CMIP: variants seen among roughly 807,000 people sequenced by gnomAD.
CMIP encodes C-Maf-inducing protein.
In CMIP, 13 loss-of-function variants were observed where a neutral mutation model predicts 97.3. That is an observed-to-expected ratio of 0.13 (90% confidence interval 0.09 to 0.21). The LOEUF (loss-of-function observed/expected upper bound fraction) is 0.21. Among genes scored for constraint, CMIP ranks in the 10% least tolerant of loss-of-function variants. CMIP has a pLI of 1.00. For missense variants in CMIP, 847 were observed against 1,024.9 expected, an observed-to-expected ratio of 0.83 and a Z score of 2.37; for synonymous variants, 538 against 436.3, an observed-to-expected ratio of 1.23 and a Z score of -2.91.
intron 3 of CMIP, among the ~76,000 whole-genome samples, chr16:81,634,291 C>T (rs2092205822): frequency 6.6e-6 from 1 of 152,216 alleles, no homozygotes; most frequent in African/African-American, 2.4e-5. Flanking sequence ...TTAGGCTGCA[C>T]AGTGTCCCTG....
At chr16:81,617,188 T>A (rs2091930501) in intron 2 of CMIP, 1 of 152,250 alleles carries the variant, frequency 6.6e-6, no homozygotes, top group Non-Finnish European at 1.5e-5. Context: ...CAAGAGCCAG[T>A]AGGCCCTGCA....
intron 2 of CMIP, among the ~76,000 whole-genome samples, chr16:81,610,060 G>A (rs2091805983): frequency 6.6e-6 from 1 of 152,174 alleles, no homozygotes; most frequent in Admixed American, 6.5e-5. Context: ...GAGGAGAGGA[G>A]GCCCTGAGCC....
At chr16:81,708,746 C>G (rs1389168138) in intron 20 of CMIP, among the ~76,000 whole-genome samples, 1 of 152,330 alleles carries the variant, frequency 6.6e-6, no homozygotes, top group East Asian at 1.9e-4. Flanking sequence ...GTGAAGTCTC[C>G]TAATTTTGAA....
At chr16:81,659,751 G>A (rs1391159692) in intron 5 of CMIP, among the ~76,000 whole-genome samples, 1 of 152,210 alleles carries the variant, frequency 6.6e-6, no homozygotes. Context: ...AGCTAATGTG[G>A]CTGAACTGAA....
At chr16:81,630,864 C>T (rs541484477) in intron 3 of CMIP, 1 of 152,516 alleles carries the variant, frequency 6.6e-6, no homozygotes, top group East Asian at 1.9e-4. Context: ...GCCCAGCCCA[C>T]TCCAAGACTG....
At chr16:81,597,133 C>T (rs1286072292) in intron 1 of CMIP, among the ~76,000 whole-genome samples, 2 of 152,148 alleles carry the variant, frequency 1.3e-5, no homozygotes, top group African/African-American at 2.4e-5. Context: ...TTTGGGAGCA[C>T]AAATATGGGC....
At position 81,614,109 on chromosome 16, in the gene CMIP, C is replaced by T. The variant is rs1010561837; in HGVS notation, c.426+6417C>T. 1.3e-5 allele frequency among the ~76,000 whole-genome samples: 2 copies of T among 152,106 alleles called. No individual in the cohort carries two copies. Among genetic ancestry groups the T allele is most frequent in the Non-Finnish European group, 2.9e-5 (2 of 68,014 alleles). ...GGAAGGCACCATCAAGACAGTCATT[C>T]TGGAGAAGTGGCATTTCAGGAGGGA... On this transcript the variant is annotated intron_variant, in intron 2 of 20. Transcript: ENST00000537098. The surrounding 1 kb of genome is among the most constrained non-coding windows in gnomAD (Gnocchi z 5.3).
At chr16:81,668,406 C>G (rs1488477210) in intron 7 of CMIP, among the ~76,000 whole-genome samples, 1 of 152,180 alleles carries the variant, frequency 6.6e-6, no homozygotes, top group Admixed American at 6.5e-5. Context: ...CACCTCTGTT[C>G]TGCTCCTGGC....
intron 10 of CMIP, among the ~76,000 whole-genome samples, chr16:81,686,574 T>A (rs1905414259): frequency 6.6e-6 from 1 of 152,164 alleles, no homozygotes; most frequent in East Asian, 1.9e-4. Flanking sequence ...CTGTCAGGAC[T>A]TATCTCAGGC....
In CMIP at chr16:81,558,625, A is replaced by C. The variant is rs190572664; in HGVS notation, c.301-48942A>C. 3.5e-3 allele frequency among the ~76,000 whole-genome samples: 531 copies of C among 152,272 alleles called. 1 individual carries two copies. Among genetic ancestry groups the C allele is most frequent in the African/African-American group, 0.012 (504 of 41,554 alleles). ...CTTGGAGTGAGCAAGGGGCAGAAGG[A>C]AAGACAGGAGGCGTGGGGAGGAGGC... On this transcript the variant is annotated intron_variant, in intron 1 of 20. Transcript: ENST00000537098.
chr16:81,505,931 G>A (rs1421440264), intron 1 of CMIP, among the ~76,000 whole-genome samples: 1 of 152,234 alleles, frequency 6.6e-6, no homozygotes, highest in Non-Finnish European at 1.5e-5. Context: ...GGAGGTGGAG[G>A]TTGCGGTGAG....
At chr16:81,644,893 G>A (rs558622488) in intron 3 of CMIP, among the ~76,000 whole-genome samples, 2 of 152,316 alleles carry the variant, frequency 1.3e-5, no homozygotes, top group South Asian at 2.1e-4. Context: ...CGGGCCGAAC[G>A]CAGTGCCACA....
intron 15 of CMIP, among the ~76,000 whole-genome samples, chr16:81,701,427 A>C (rs536293919): frequency 6.6e-6 from 1 of 152,038 alleles, no homozygotes; most frequent in Admixed American, 6.5e-5. Context: ...TGCCTGGGAG[A>C]CTCCCATGTC....
chr16:81,473,416 A>C (rs1278538680), intron 1 of CMIP, among the ~76,000 whole-genome samples: 3 of 152,042 alleles, frequency 2.0e-5, no homozygotes, highest in Non-Finnish European at 4.4e-5. Flanking sequence ...TGCCCAAGTC[A>C]ACAGTGGTGC....
chr16:81,706,966 A>G, intron 19 of CMIP, 48 bp from the exon 20 acceptor site: 1 of 1,557,264 alleles, frequency 6.4e-7, no homozygotes, highest in African/African-American at 1.4e-5. Context: ...ATACCTTCAT[A>G]CCTTTGGGGC....
chr16:81,705,839 A>G (rs1908076754), intron 19 of CMIP, among the ~76,000 whole-genome samples: 1 of 152,270 alleles, frequency 6.6e-6, no homozygotes, highest in Non-Finnish European at 1.5e-5. Flanking sequence ...GGCAATAGAA[A>G]AAATGAGTAA....
At position 81,704,031 on chromosome 16, in the gene CMIP, C is replaced by T. The variant is rs754635499; in HGVS notation, c.2037C>T (p.Ala679=). 23 of 1,605,708 alleles carry T rather than the reference C, an allele frequency of 1.4e-5. No homozygotes were observed. The highest frequency in any genetic ancestry group is 4.5e-5 in the East Asian group (2 of 44,576). ...TCACCAATGTAACCAGTGCCTGCGC[C>T]GAGCACCTCATCAAACTGCCTTCGC... ...LAFTNVTSAC[A]EHLIKLPSLK... The change falls in exon 18 of 21, where the codon GCC becomes GCT. Residue 679 remains alanine (A), a synonymous_variant. Transcript: ENST00000537098.
At chr16:81,572,030 G>T (rs1226583318) in intron 1 of CMIP, among the ~76,000 whole-genome samples, 2 of 152,208 alleles carry the variant, frequency 1.3e-5, no homozygotes, top group Non-Finnish European at 2.9e-5. Flanking sequence ...CACCAGGACG[G>T]CCTTGGCCCC....
intron 1 of CMIP, chr16:81,495,343 C>A: frequency 1.4e-6 from 2 of 1,475,890 alleles, no homozygotes; most frequent in Non-Finnish European, 1.8e-6. Context: ...AGCCAGGCGA[C>A]CCACAGGCTT....
Sources: gnomAD v4.1 joint callset for allele counts (sites outside exome capture counted in the v4.1 genomes callset) on GRCh38, gnomAD v4.1.1 for gene constraint, Gnocchi (gnomAD v3.1) non-coding constraint, MANE v1.5 for transcripts, NCBI Gene and HGNC (gene_info 2026-07-23, HGNC 2026-07-21) for gene names.